The following TP63 variants were observed in gnomAD, a reference collection of about 807,000 sequenced individuals.
TP63 encodes the protein tumor protein p63, also known as tumor protein 63.
Under a neutral mutation model 82.8 loss-of-function variants are expected in TP63, and 17 were observed. The ratio of observed to expected loss-of-function variants is 0.21; its 90% CI spans 0.14 to 0.31. The LOEUF (loss-of-function observed/expected upper bound fraction) is 0.31, where lower values mean the gene tolerates loss of function less well. TP63 is among the 10% of genes least tolerant of loss of function. The pLI is 1.00. For synonymous variants in TP63, 330 were observed against 321.7 expected, an observed-to-expected ratio of 1.03 and a Z score of -0.28; for missense variants, 648 against 895.3, an observed-to-expected ratio of 0.72 and a Z score of 3.52.
chr3:189,765,240 A>G (rs577192868), intron 3 of TP63, among the ~76,000 whole-genome samples: 3,919 of 24,586 alleles, frequency 0.16, 192 homozygotes, highest in African/African-American at 0.26. Context: ...AGGAGAATAT[A>G]GAGCAGAAAA....
At chr3:189,818,634 TA>T (rs375480616) in intron 4 of TP63, among the ~76,000 whole-genome samples, 20 of 152,230 alleles carry the variant, frequency 1.3e-4, no homozygotes, top group African/African-American at 3.9e-4. Flanking sequence ...GAATGATGCT[TA>T]AAAAAATTCT....
intron 1 of TP63, among the ~76,000 whole-genome samples, chr3:189,686,827 T>G (rs1294947236): frequency 6.7e-6 from 1 of 149,590 alleles, no homozygotes; most frequent in Non-Finnish European, 1.5e-5. Flanking sequence ...GCCACCCAGG[T>G]TCAAGCGATT....
At chr3:189,869,510 G>A in intron 9 of TP63, 104 bp downstream of exon 9, 1 of 1,065,228 alleles carries the variant, frequency 9.4e-7, no homozygotes, top group South Asian at 1.3e-5. Context: ...GGGAAAGGAG[G>A]TGTCTTAGTC....
chr3:189,737,739 G>C lies in TP63; in HGVS notation c.63-1G>C, dbSNP rs200607940. The C allele has an allele frequency of 3.5e-5, 57 of 1,613,576 alleles. No homozygotes were observed. The highest frequency in any genetic ancestry group is 5.1e-6 in the Non-Finnish European group (6 of 1,179,732). On this transcript the variant is annotated splice_acceptor_variant, in intron 1 of 13. Coordinates refer to ENST00000264731, the MANE Select transcript of TP63 (RefSeq NM_003722.5). LOFTEE classifies it high-confidence loss of function. Reference sequence around the variant, plus strand: ...ACTAGTTTCATTTTTGTCCTTTTAAGTTTCGTAGAAACCCCAGCTCATTTC... The same window carrying C: ...ACTAGTTTCATTTTTGTCCTTTTAACTTTCGTAGAAACCCCAGCTCATTTC...
At chr3:189,667,063 A>G (rs1333585305) in intron 1 of TP63, among the ~76,000 whole-genome samples, 1 of 150,156 alleles carries the variant, frequency 6.7e-6, no homozygotes, top group African/African-American at 2.4e-5. Context: ...GTGTCTCATG[A>G]TTGAACCTAC....
intron 4 of TP63, among the ~76,000 whole-genome samples, chr3:189,818,646 A>G (rs1024384483): frequency 2.0e-5 from 3 of 152,110 alleles, no homozygotes; most frequent in Non-Finnish European, 2.9e-5. Context: ...AAAAAATTCT[A>G]TAGTGTAGGT....
chr3:189,851,378 G>A (rs909380419), intron 4 of TP63, among the ~76,000 whole-genome samples: 3 of 152,014 alleles, frequency 2.0e-5, no homozygotes, highest in African/African-American at 4.8e-5. Flanking sequence ...TGGGCAACAT[G>A]GGGGAAACCC....
intron 4 of TP63, among the ~76,000 whole-genome samples, chr3:189,828,457 T>C (rs1169750254): frequency 6.6e-6 from 1 of 152,232 alleles, no homozygotes; most frequent in Non-Finnish European, 1.5e-5. Context: ...ACCAAGAAAC[T>C]AGTTGAATGA....
intron 1 of TP63, among the ~76,000 whole-genome samples, chr3:189,734,687 G>A (rs1230663783): frequency 2.0e-5 from 3 of 152,012 alleles, no homozygotes; most frequent in Non-Finnish European, 2.9e-5. Flanking sequence ...CAAGAAAATC[G>A]AAGTCATCAG....
chr3:189,752,847 AT>A (rs1269806260), intron 3 of TP63, among the ~76,000 whole-genome samples: 2 of 151,922 alleles, frequency 1.3e-5, no homozygotes, highest in Non-Finnish European at 2.9e-5. Flanking sequence ...TGATATATTT[AT>A]TTTTTATTTT....
At chr3:189,854,208 G>A (rs758370836) in intron 4 of TP63, among the ~76,000 whole-genome samples, 2 of 152,124 alleles carry the variant, frequency 1.3e-5, no homozygotes, top group Non-Finnish European at 2.9e-5. Flanking sequence ...AGCTTTTAGT[G>A]TAGTCTCTCC....
At chr3:189,640,886 A>G (rs766800540) in intron 1 of TP63, among the ~76,000 whole-genome samples, 5 of 152,206 alleles carry the variant, frequency 3.3e-5, no homozygotes, top group Non-Finnish European at 7.4e-5. Flanking sequence ...AAATTGGGCT[A>G]TTGTGTAAAC....
chr3:189,782,182 G>A (rs962056029), intron 3 of TP63, among the ~76,000 whole-genome samples: 1 of 152,124 alleles, frequency 6.6e-6, no homozygotes, highest in East Asian at 1.9e-4. Context: ...GAAAATCTGG[G>A]CTTGTATTAT....
At chr3:189,781,994 G>A (rs1188418154) in intron 3 of TP63, among the ~76,000 whole-genome samples, 1 of 152,088 alleles carries the variant, frequency 6.6e-6, no homozygotes, top group East Asian at 1.9e-4. Flanking sequence ...CCAGTTAACA[G>A]GTTGAAAACC....
chr3:189,620,688 GC>G, the TP63 span, among the ~76,000 whole-genome samples: 1 of 152,138 alleles, frequency 6.6e-6, no homozygotes, highest in African/African-American at 2.4e-5. Context: ...GCCAGCACGG[GC>G]CTTGTTTGTA....
At position 189,642,586 on chromosome 3, in the gene TP63, A is replaced by G. The variant is rs80121934; in HGVS notation, c.62+11009A>G. Among the ~76,000 whole-genome samples the G allele has an allele frequency of 7.9e-3, 1,209 of 152,228 alleles. 12 individuals carry two copies. The highest frequency in any genetic ancestry group is 0.045 in the East Asian group (231 of 5,180). The stretch of plus-strand genomic sequence containing the variant: ...TATAAAGAAGAGTGATAATAGTAGT[A>G]CCTACCTGATTGGATTGCCTTAAAA... On this transcript the variant is annotated intron_variant, in intron 1 of 13. Coordinates refer to ENST00000264731, the MANE Select transcript of TP63 (RefSeq NM_003722.5).
intron 3 of TP63, among the ~76,000 whole-genome samples, chr3:189,793,738 C>T (rs2108602025): frequency 6.6e-6 from 1 of 151,992 alleles, no homozygotes; most frequent in African/African-American, 2.4e-5. Flanking sequence ...ATACAGGTAA[C>T]AAAAAGATAC....
At chr3:189,780,156 A>T (rs1381607325) in intron 3 of TP63, among the ~76,000 whole-genome samples, 1 of 146,712 alleles carries the variant, frequency 6.8e-6, no homozygotes, top group Non-Finnish European at 1.6e-5. Flanking sequence ...AGTAGCAGTT[A>T]TGTGGGTGTT....
At chr3:189,884,731 C>T (rs907754576) in intron 10 of TP63, among the ~76,000 whole-genome samples, 1 of 152,178 alleles carries the variant, frequency 6.6e-6, no homozygotes, top group Non-Finnish European at 1.5e-5. Context: ...CAATGCCCTC[C>T]TACCTTAAAG....
Sources: gnomAD v4.1 joint callset for allele counts (sites outside exome capture counted in the v4.1 genomes callset) on GRCh38, gnomAD v4.1.1 for gene constraint, MANE v1.5 for transcripts, NCBI Gene and HGNC (gene_info 2026-07-23, HGNC 2026-07-21) for gene names.